RBFOX1: variants seen among roughly 807,000 people sequenced by gnomAD.
RBFOX1 encodes RNA binding fox-1 homolog 1.
A neutral mutation model predicts 57.7 loss-of-function variants in RBFOX1; 8 were observed. That is an observed-to-expected ratio of 0.14 (90% CI 0.08 to 0.25). The LOEUF (loss-of-function observed/expected upper bound fraction) is 0.25, where lower values mean the gene tolerates loss of function less well. Ranked by LOEUF, RBFOX1 falls within the 10% of genes least tolerant of loss-of-function variation. The pLI, the probability that RBFOX1 is intolerant of heterozygous loss-of-function variation, is 1.00. For missense variants in RBFOX1, 611 were observed against 548.5 expected (o/e 1.11, Z -1.14); for synonymous variants, 326 against 222.4 (o/e 1.47, Z -4.15).
intron 4 of RBFOX1, among the ~76,000 whole-genome samples, chr16:7,376,267 T>A (rs1022779653): frequency 1.3e-5 from 2 of 152,248 alleles, no homozygotes; most frequent in Admixed American, 1.3e-4. Context: ...TGCCACTTAC[T>A]TGCTCTTAAT....
chr16:7,492,297 T>G (rs1274958653), intron 4 of RBFOX1, among the ~76,000 whole-genome samples: 1 of 152,144 alleles, frequency 6.6e-6, no homozygotes, highest in Non-Finnish European at 1.5e-5. Flanking sequence ...AGTTTTTTGT[T>G]TCTGTCCTTG....
intron 4 of RBFOX1, among the ~76,000 whole-genome samples, chr16:7,215,816 T>C (rs1449193532): frequency 3.3e-5 from 5 of 149,904 alleles, no homozygotes; most frequent in Non-Finnish European, 5.9e-5. Context: ...GCTCTGCCTC[T>C]CGGGTTCACG....
intron 2 of RBFOX1, among the ~76,000 whole-genome samples, chr16:6,602,735 T>G (rs190547573): frequency 9.9e-5 from 15 of 151,978 alleles, no homozygotes; most frequent in Admixed American, 1.3e-4. Context: ...TGCAATTTTT[T>G]TTCCACTTGC....
At position 7,225,128 on chromosome 16, in the gene RBFOX1, A is replaced by G. The variant is rs146392562; in HGVS notation, c.27+173030A>G. ...AAAAGGGCTTATCATCATCATCATC[A>G]CGGTCATTGTCATTATCTTAAATCC... is the stretch of plus-strand genomic sequence containing the variant. On this transcript the variant is annotated intron_variant, in intron 4 of 15. Coordinates refer to ENST00000550418, the MANE Select transcript of RBFOX1 (RefSeq NM_018723.4). Among the ~76,000 whole-genome samples, 4 of 152,288 alleles carry G rather than the reference A, an allele frequency of 2.6e-5. No individual in the cohort carries two copies. In the East Asian group the frequency reaches 7.7e-4, roughly 29 times the overall value.
chr16:6,655,043 C>A (rs1327830748), intron 3 of RBFOX1, among the ~76,000 whole-genome samples: 2 of 151,412 alleles, frequency 1.3e-5, no homozygotes, highest in Admixed American at 6.6e-5. Context: ...TTAGGCTTCC[C>A]AGGGTGTGTC....
chr16:6,751,761 C>A (rs531824950), intron 3 of RBFOX1, among the ~76,000 whole-genome samples: 9 of 152,206 alleles, frequency 5.9e-5, no homozygotes, highest in Admixed American at 2.0e-4. Context: ...TTGTTTACTG[C>A]CCCTGTGGTC....
chr16:5,885,240 A>G (rs2057869816), intron 4 of RBFOX1, among the ~76,000 whole-genome samples: 1 of 151,912 alleles, frequency 6.6e-6, no homozygotes, highest in East Asian at 1.9e-4. Flanking sequence ...AGATTTCATA[A>G]ATCATTAAGG....
At chr16:6,414,761 G>A (rs1227379345) in intron 2 of RBFOX1, among the ~76,000 whole-genome samples, 2 of 152,150 alleles carry the variant, frequency 1.3e-5, no homozygotes, top group South Asian at 2.1e-4. Flanking sequence ...TCTTACCCAG[G>A]GTCAATTTTA....
intron 1 of RBFOX1, among the ~76,000 whole-genome samples, chr16:6,216,359 C>G (rs963719601): frequency 1.3e-5 from 2 of 152,152 alleles, no homozygotes; most frequent in African/African-American, 4.8e-5. Context: ...TGTATTCCCT[C>G]TGGGTCCTCA....
intron 14 of RBFOX1, among the ~76,000 whole-genome samples, chr16:7,705,470 A>T (rs374123415): frequency 6.6e-6 from 1 of 152,166 alleles, no homozygotes; most frequent in Non-Finnish European, 1.5e-5. Context: ...GTGCCACTGC[A>T]CTCCAGCCTT....
chr16:6,932,252 C>T (rs890625098), intron 3 of RBFOX1, among the ~76,000 whole-genome samples: 1 of 152,036 alleles, frequency 6.6e-6, no homozygotes, highest in East Asian at 1.9e-4. Context: ...TACAGGCATG[C>T]ACCACCACAC....
At chr16:5,885,642 C>T (rs1180935982) in intron 4 of RBFOX1, among the ~76,000 whole-genome samples, 1 of 152,118 alleles carries the variant, frequency 6.6e-6, no homozygotes, top group East Asian at 1.9e-4. Flanking sequence ...TGTTCTCTTT[C>T]AGAATTTCCG....
chr16:6,559,367 C>T (rs1271731163), intron 2 of RBFOX1, among the ~76,000 whole-genome samples: 5 of 152,022 alleles, frequency 3.3e-5, no homozygotes, highest in African/African-American at 1.2e-4. Flanking sequence ...TATATACACA[C>T]ACACGTATGT....
intron 4 of RBFOX1, chr16:7,333,074 C>G: frequency 6.2e-7 from 1 of 1,613,872 alleles, no homozygotes; most frequent in Non-Finnish European, 8.5e-7. Context: ...TCCTTACCTT[C>G]CTGGACTGAT....
chr16:6,247,106 G>C (rs149272799), intron 1 of RBFOX1, among the ~76,000 whole-genome samples: 1 of 152,184 alleles, frequency 6.6e-6, no homozygotes, highest in Non-Finnish European at 1.5e-5. Flanking sequence ...GACCACTGTA[G>C]CATTGGTCAC....
intron 4 of RBFOX1, among the ~76,000 whole-genome samples, chr16:5,890,439 C>T (rs538661457): frequency 2.0e-5 from 3 of 152,124 alleles, no homozygotes; most frequent in South Asian, 4.1e-4. Flanking sequence ...TGGCTCATGC[C>T]TGTAATCCCA....
chr16:6,251,357 C>T (rs1567776568), intron 1 of RBFOX1, among the ~76,000 whole-genome samples: 1 of 152,078 alleles, frequency 6.6e-6, no homozygotes, highest in Non-Finnish European at 1.5e-5. Flanking sequence ...TCTCCTGTTA[C>T]AGGAAGTTCA....
At chr16:7,613,323 G>A (rs2057882131) in intron 10 of RBFOX1, among the ~76,000 whole-genome samples, 1 of 152,182 alleles carries the variant, frequency 6.6e-6, no homozygotes, top group Non-Finnish European at 1.5e-5. Flanking sequence ...TTGAAAGGTG[G>A]TCAGGTCTTG....
chr16:7,510,165 C>A, intron 4 of RBFOX1: 2 of 985,818 alleles, frequency 2.0e-6, no homozygotes, highest in Non-Finnish European at 2.4e-6. Context: ...AGCCCCCCAC[C>A]TTCCTCAACA....
Sources: allele counts gnomAD v4.1 joint callset (sites outside exome capture counted in the v4.1 genomes callset), GRCh38; gene constraint gnomAD v4.1.1; transcripts MANE v1.5; gene names NCBI Gene and HGNC (gene_info 2026-07-23, HGNC 2026-07-21).